The following WDHD1 variants were observed in gnomAD, a reference collection of about 807,000 sequenced individuals.
WDHD1 encodes the protein WD repeat and HMG-box DNA binding protein 1.
Under a neutral mutation model 135.4 loss-of-function variants are expected in WDHD1, and 111 were observed. The ratio of observed to expected loss-of-function variants is 0.82; its 90% CI spans 0.70 to 0.96. The LOEUF (loss-of-function observed/expected upper bound fraction) is 0.96, where lower values mean the gene tolerates loss of function less well. Ranked by LOEUF, WDHD1 falls within the 40% of genes least tolerant of loss-of-function variation. The probability of loss-of-function intolerance (pLI) is 0.00; values close to 1 mark genes in which losing one functional copy is unlikely to be tolerated. For synonymous variants in WDHD1, 434 were observed against 439.0 expected (o/e 0.99, Z 0.14); for missense variants, 1,351 against 1,336.3 (o/e 1.01, Z -0.17).
At chr14:55,003,202 A>G (rs542364469) in intron 7 of WDHD1, among the ~76,000 whole-genome samples, 1 of 152,202 alleles carries the variant, frequency 6.6e-6, no homozygotes, top group African/African-American at 2.4e-5. Flanking sequence ...TTAAATCTAG[A>G]ATGTACATTG....
In WDHD1 at chr14:55,012,572, T is replaced by C. The variant is rs533005392; in HGVS notation, c.189+913A>G. ...TTATCTGAATCAGTAGGTGTTTTAG[T>C]CTGTTCTGTACTGCTATAAGAATCC... On this transcript the variant is annotated intron_variant, in intron 3 of 25. Coordinates refer to ENST00000360586, the MANE Select transcript of WDHD1 (RefSeq NM_007086.4). Among the ~76,000 whole-genome samples the C allele has an allele frequency of 2.6e-5, 4 of 152,334 alleles. No individual in the cohort carries two copies. The South Asian group carries it at 8.3e-4, about 32-fold the overall frequency.
At chr14:54,995,084 T>C (rs944986503) in intron 11 of WDHD1, among the ~76,000 whole-genome samples, 3 of 151,984 alleles carry the variant, frequency 2.0e-5, no homozygotes, top group Non-Finnish European at 4.4e-5. Flanking sequence ...TGGGTTCAAG[T>C]GAGTTTCCTG....
intron 12 of WDHD1, 48 bp downstream of exon 12, chr14:54,991,165 A>G: frequency 9.5e-7 from 1 of 1,053,232 alleles, no homozygotes; most frequent in Non-Finnish European, 1.4e-6. Flanking sequence ...TAGTAAGAAA[A>G]AAGTGCTGAA....
rs776563344 is a variant in WDHD1, at chr14:55,000,941, T to C, written c.745A>G (p.Ser249Gly). Reference sequence around the variant, plus strand: ...CAAACTATGATTAGACCATTAATACTACCTGCAGCTAAATATTGCCCACAG... The same window carrying C: ...CAAACTATGATTAGACCATTAATACCACCTGCAGCTAAATATTGCCCACAG... The part of the protein sequence containing the change: ...SPCGQYLAAG[S>G]INGLIIVWNV... The change falls in exon 9 of 26, where the codon AGT becomes GGT. Residue 249 changes from serine (S) to glycine (G), a missense_variant. Transcript: ENST00000360586. 5.6e-6 allele frequency: 9 copies of C among 1,596,056 alleles called. No individual in the cohort carries two copies. The East Asian group carries it at 1.4e-4, about 24-fold the overall frequency.
chr14:54,989,129 T>C lies in WDHD1; in HGVS notation c.1425A>G (p.Ile475Met). 1 of 1,613,724 alleles carries C rather than the reference T, an allele frequency of 6.2e-7. No individual in the cohort carries two copies. Among genetic ancestry groups the C allele is most frequent in the South Asian group, 1.1e-5 (1 of 91,040 alleles). Residue 475 changes from isoleucine to methionine, a missense_variant, in exon 13 of 26, where the codon ATA (isoleucine) becomes ATG (methionine). By Grantham distance (10) the Ile-to-Met change is conservative. Around this residue, in one of 2 missense-constraint regions of WDHD1, gnomAD observed 1,330 missense variants for 1,296.1 expected, o/e 1.03. Transcript: ENST00000360586. Reference protein sequence around the residue: ...AIDVEFHDTSIHHATHLSNTL... With the variant: ...AIDVEFHDTSMHHATHLSNTL... Reference sequence around the variant, plus strand: ...TGTTTGATAAGTGTGTTGCATGGTGTATGGAGGTATCATGGAACTCCACAT... The same window carrying C: ...TGTTTGATAAGTGTGTTGCATGGTGCATGGAGGTATCATGGAACTCCACAT...
At chr14:55,001,728 T>C (rs2041984458) in intron 8 of WDHD1, among the ~76,000 whole-genome samples, 1 of 152,242 alleles carries the variant, frequency 6.6e-6, no homozygotes, top group Non-Finnish European at 1.5e-5. Flanking sequence ...TCCTTAACTG[T>C]AAATATCTAC....
chr14:54,995,067 C>T (rs1872762989), intron 11 of WDHD1, among the ~76,000 whole-genome samples: 1 of 152,128 alleles, frequency 6.6e-6, no homozygotes, highest in African/African-American at 2.4e-5. Context: ...CTGCAACCTC[C>T]ACCTCCTGGG....
In WDHD1 at chr14:55,007,381, T is replaced by C. The variant is rs1397239089; in HGVS notation, c.505-6A>G. The C allele has an allele frequency of 1.3e-6, 2 of 1,571,786 alleles. No homozygotes were observed. The highest frequency in any genetic ancestry group is 2.3e-5 in the East Asian group (1 of 44,248). ...GGCCAACTAATAGCACATGTCTAATTGGTAAAAAAAGAAAATTTCTTTCCT... is the reference window on the plus strand; with the variant it reads ...GGCCAACTAATAGCACATGTCTAATCGGTAAAAAAAGAAAATTTCTTTCCT... On this transcript the variant is annotated splice_polypyrimidine_tract_variant and splice_region_variant and intron_variant, in intron 6 of 25. Coordinates refer to ENST00000360586, the MANE Select transcript of WDHD1 (RefSeq NM_007086.4).
chr14:54,977,792 A>G (rs2041550193), intron 16 of WDHD1, among the ~76,000 whole-genome samples: 1 of 152,142 alleles, frequency 6.6e-6, no homozygotes, highest in Non-Finnish European at 1.5e-5. Flanking sequence ...TTCTTTATCC[A>G]TTATTGAATA....
chr14:55,002,931 T>C (rs1393910887), intron 7 of WDHD1, among the ~76,000 whole-genome samples: 4 of 152,144 alleles, frequency 2.6e-5, no homozygotes, highest in Non-Finnish European at 5.9e-5. Context: ...CCTTCTGATA[T>C]AAAAATTCCT....
chr14:55,015,379 CAAAAA>C (rs60609405), intron 2 of WDHD1, among the ~76,000 whole-genome samples: 8 of 54,438 alleles, frequency 1.5e-4, no homozygotes, highest in African/African-American at 1.7e-4. Flanking sequence ...GACACTGTCT[CAAAAA>C]AAAAAAAAAA....
In WDHD1 at chr14:54,946,996, T is replaced by C. The variant is rs145381877; in HGVS notation, c.3051-2526A>G. On this transcript the variant is annotated intron_variant, in intron 24 of 25. Coordinates refer to ENST00000360586, the MANE Select transcript of WDHD1 (RefSeq NM_007086.4). ...AGGTGGAGGTTGCAGTGAGCTGAGA[T>C]TGCACCAGTGGACTCCAGCCTTGGT... is the stretch of plus-strand genomic sequence containing the variant. 1.6e-3 allele frequency among the ~76,000 whole-genome samples: 237 copies of C among 150,518 alleles called. 1 individual carries two copies. Among genetic ancestry groups the C allele is most frequent in the African/African-American group, 5.6e-3 (230 of 40,836 alleles).
At chr14:54,946,185 A>AT (rs2040921700) in intron 24 of WDHD1, among the ~76,000 whole-genome samples, 1 of 152,186 alleles carries the variant, frequency 6.6e-6, no homozygotes, top group African/African-American at 2.4e-5. Context: ...CTAAACAGCT[A>AT]TTTTTAAAAA....
intron 16 of WDHD1, among the ~76,000 whole-genome samples, chr14:54,977,410 T>C (rs1477301379): frequency 6.6e-6 from 1 of 152,180 alleles, no homozygotes; most frequent in Non-Finnish European, 1.5e-5. Flanking sequence ...AAATAAAATT[T>C]TCAGGTCTAC....
intron 16 of WDHD1, among the ~76,000 whole-genome samples, chr14:54,972,995 T>C (rs1374685012): frequency 2.6e-5 from 4 of 152,136 alleles, no homozygotes; most frequent in African/African-American, 9.7e-5. Flanking sequence ...AGTAGTGCTC[T>C]CGCAGCTGAT....
intron 15 of WDHD1, 25 bp from the exon 16 acceptor site, chr14:54,981,721 TG>T: frequency 6.5e-7 from 1 of 1,533,736 alleles, no homozygotes; most frequent in Admixed American, 1.7e-5. Context: ...AAAAATCACT[TG>T]GAGACATAGC....
intron 23 of WDHD1, 116 bp from the exon 24 acceptor site, chr14:54,955,810 C>A: frequency 1.0e-6 from 1 of 962,528 alleles, no homozygotes; most frequent in Non-Finnish European, 1.3e-6. Flanking sequence ...CTTATACTAA[C>A]ATGTGAAATC....
intron 16 of WDHD1, among the ~76,000 whole-genome samples, chr14:54,969,580 C>T (rs568152323): frequency 1.3e-5 from 2 of 152,036 alleles, no homozygotes; most frequent in Admixed American, 1.3e-4. Context: ...AAATAAAAAA[C>T]CTATCAACCA....
intron 16 of WDHD1, among the ~76,000 whole-genome samples, chr14:54,978,542 A>C (rs891948535): frequency 2.0e-4 from 31 of 152,074 alleles, no homozygotes; most frequent in African/African-American, 7.2e-4. Flanking sequence ...CTATGACTGC[A>C]CTACTGCACT....
Sources: allele counts gnomAD v4.1 joint callset (sites outside exome capture counted in the v4.1 genomes callset), GRCh38; gene constraint gnomAD v4.1.1; regional missense constraint gnomAD v4.1.1; transcripts MANE v1.5; gene names NCBI Gene and HGNC (gene_info 2026-07-23, HGNC 2026-07-21).